Variants in TNFSF4 observed in about 807,000 individuals in gnomAD.
TNFSF4 encodes tumor necrosis factor ligand superfamily member 4.
Under a neutral mutation model 7.3 loss-of-function variants are expected in TNFSF4, and 4 were observed. The ratio of observed to expected loss-of-function variants is 0.55; its 90% CI spans 0.27 to 1.25. The LOEUF (loss-of-function observed/expected upper bound fraction) is 1.25. Ranked by LOEUF, TNFSF4 falls within the 50% of genes most tolerant of loss-of-function variation. The probability of loss-of-function intolerance (pLI) is 0.12; values close to 1 mark genes in which losing one functional copy is unlikely to be tolerated. For missense variants in TNFSF4, 181 were observed against 208.8 expected, an observed-to-expected ratio of 0.87 and a Z score of 0.82; for synonymous variants, 76 against 83.7, an observed-to-expected ratio of 0.91 and a Z score of 0.50.
chr1:173,239,278 C>G, the TNFSF4 span, among the ~76,000 whole-genome samples: 1 of 152,104 alleles, frequency 6.6e-6, no homozygotes, highest in Non-Finnish European at 1.5e-5. Context: ...TTAATAGCAT[C>G]AATTTTGAAC....
chr1:173,190,419 A>G (rs1366850468), intron 1 of TNFSF4, among the ~76,000 whole-genome samples: 1 of 152,190 alleles, frequency 6.6e-6, no homozygotes, highest in Admixed American at 6.5e-5. Context: ...TACTTCTATT[A>G]CAAGTATAAT....
chr1:173,356,850 A>G, the TNFSF4 span, among the ~76,000 whole-genome samples: 1 of 152,236 alleles, frequency 6.6e-6, no homozygotes, highest in African/African-American at 2.4e-5. Flanking sequence ...GTGGGGGGAA[A>G]AAATGACATG....
the TNFSF4 span, among the ~76,000 whole-genome samples, chr1:173,218,846 T>C: frequency 1.3e-5 from 2 of 152,172 alleles, no homozygotes; most frequent in Non-Finnish European, 2.9e-5. Flanking sequence ...ATAAAATATA[T>C]GTAATAGATT....
chr1:173,383,070 C>A, the TNFSF4 span, among the ~76,000 whole-genome samples: 3 of 152,212 alleles, frequency 2.0e-5, 1 homozygote, highest in African/African-American at 4.8e-5. Context: ...TTATCCCCAA[C>A]ATACGTTGGG....
the TNFSF4 span, among the ~76,000 whole-genome samples, chr1:173,348,318 T>A: frequency 6.6e-6 from 1 of 152,210 alleles, no homozygotes; most frequent in South Asian, 2.1e-4. Context: ...CACTTGATTC[T>A]CACTCTCTCC....
intron 1 of TNFSF4, 56 bp from the exon 2 acceptor site, chr1:173,188,625 GC>G: frequency 6.9e-7 from 1 of 1,451,426 alleles, no homozygotes; most frequent in South Asian, 1.2e-5. Flanking sequence ...AATGAAATTC[GC>G]AAGTCATATT....
the TNFSF4 span, among the ~76,000 whole-genome samples, chr1:173,435,158 G>A: frequency 6.6e-6 from 1 of 152,096 alleles, no homozygotes; most frequent in Non-Finnish European, 1.5e-5. Flanking sequence ...TTTGGACAAT[G>A]GCATCAAAAA....
the TNFSF4 span, among the ~76,000 whole-genome samples, chr1:173,178,603 T>C: frequency 6.6e-6 from 1 of 152,200 alleles, no homozygotes; most frequent in East Asian, 1.9e-4. Flanking sequence ...ATTAAAAAAA[T>C]AAGTTGAATA....
At chr1:173,283,738 T>A in the TNFSF4 span, among the ~76,000 whole-genome samples, 1 of 151,998 alleles carries the variant, frequency 6.6e-6, no homozygotes, top group Non-Finnish European at 1.5e-5. Context: ...GAAAAAATCA[T>A]GAGCAAGAAA....
chr1:173,348,760 C>A, the TNFSF4 span, among the ~76,000 whole-genome samples: 1 of 152,084 alleles, frequency 6.6e-6, no homozygotes, highest in Non-Finnish European at 1.5e-5. Context: ...TAAGAAGATA[C>A]TATGAACAAC....
the TNFSF4 span, among the ~76,000 whole-genome samples, chr1:173,215,426 T>C: frequency 3.3e-5 from 5 of 152,216 alleles, no homozygotes; most frequent in Non-Finnish European, 7.3e-5. Context: ...TTTTATCCTC[T>C]GTGGTAACAA....
the TNFSF4 span, among the ~76,000 whole-genome samples, chr1:173,172,969 C>T: frequency 6.6e-6 from 1 of 152,084 alleles, no homozygotes; most frequent in East Asian, 1.9e-4. Flanking sequence ...GCAAACATGT[C>T]CTTCTTCACA....
At chr1:173,319,766 C>T in the TNFSF4 span, among the ~76,000 whole-genome samples, 8 of 152,280 alleles carry the variant, frequency 5.3e-5, no homozygotes, top group African/African-American at 1.9e-4. Flanking sequence ...AGAAGAGGGG[C>T]CTGACTGTTA....
the TNFSF4 span, among the ~76,000 whole-genome samples, chr1:173,239,904 T>A: frequency 1.3e-5 from 2 of 152,010 alleles, no homozygotes; most frequent in Non-Finnish European, 2.9e-5. Context: ...TGGTAGCAAA[T>A]ACCTGTAATC....
the TNFSF4 span, among the ~76,000 whole-genome samples, chr1:173,355,345 T>C: frequency 2.0e-5 from 3 of 152,348 alleles, no homozygotes; most frequent in Admixed American, 1.3e-4. Flanking sequence ...AGGATTTGCA[T>C]GTGGACATCT....
At chr1:173,416,313 C>G in the TNFSF4 span, among the ~76,000 whole-genome samples, 1 of 152,204 alleles carries the variant, frequency 6.6e-6, no homozygotes, top group East Asian at 1.9e-4. Context: ...ACATCCTGGG[C>G]TGGCCTGAGT....
At chr1:173,419,636 G>C in the TNFSF4 span, among the ~76,000 whole-genome samples, 38 of 152,106 alleles carry the variant, frequency 2.5e-4, no homozygotes, top group African/African-American at 8.9e-4. Flanking sequence ...GGTGGAAGCT[G>C]GGGGAGAGGC....
At chr1:173,335,638 G>T in the TNFSF4 span, among the ~76,000 whole-genome samples, 1 of 152,168 alleles carries the variant, frequency 6.6e-6, no homozygotes, top group Non-Finnish European at 1.5e-5. Flanking sequence ...AAGTAGAAAT[G>T]TTCTAGGTCA....
chr1:173,292,633 T>C, the TNFSF4 span, among the ~76,000 whole-genome samples: 1 of 151,130 alleles, frequency 6.6e-6, no homozygotes, highest in Admixed American at 6.6e-5. Flanking sequence ...CTGGAAGTCC[T>C]GGAAGCCAGA....
Sources: gnomAD v4.1 joint callset for allele counts (sites outside exome capture counted in the v4.1 genomes callset) on GRCh38, gnomAD v4.1.1 for gene constraint, MANE v1.5 for transcripts, NCBI Gene and HGNC (gene_info 2026-07-23, HGNC 2026-07-21) for gene names.